The following PIK3CA variants were observed in gnomAD, a reference collection of about 807,000 sequenced individuals.
PIK3CA encodes the protein phosphatidylinositol 4,5-bisphosphate 3-kinase catalytic subunit alpha isoform.
A neutral mutation model predicts 138.2 loss-of-function variants in PIK3CA; 27 were observed. The ratio of observed to expected loss-of-function variants is 0.20; its 90% CI spans 0.14 to 0.27. PIK3CA has a LOEUF of 0.27. Ranked by LOEUF, PIK3CA falls within the 10% of genes least tolerant of loss-of-function variation. The pLI is 1.00. For synonymous variants in PIK3CA, 358 were observed against 413.2 expected (o/e 0.87, Z 1.62); for missense variants, 544 against 1,277.4 (o/e 0.43, Z 8.75).
rs527395640 is a variant in PIK3CA at position 179,195,269 on chromosome 3, AAAC to A, written c.-76-3472_-76-3470del. Among the ~76,000 whole-genome samples the A allele has an allele frequency of 3.2e-3, 490 of 151,982 alleles. 2 individuals carry two copies. Among genetic ancestry groups the A allele is most frequent in the African/African-American group, 0.011 (460 of 41,474 alleles). On this transcript the variant is annotated intron_variant, in intron 1 of 20. Transcript: ENST00000263967. ...TACTTGCCTTCTCGGTGAAAAAAAA[AAAC>A]AACAACAAAAACCGTTTCCTTCCCC...
intron 1 of PIK3CA, among the ~76,000 whole-genome samples, chr3:179,180,059 TG>T (rs1329668539): frequency 1.3e-5 from 2 of 152,132 alleles, no homozygotes; most frequent in Non-Finnish European, 2.9e-5. Context: ...ACAGTTGTAA[TG>T]TTTGAGGCTT....
intron 1 of PIK3CA, among the ~76,000 whole-genome samples, chr3:179,186,477 G>C (rs1474229551): frequency 1.2e-4 from 18 of 152,142 alleles, no homozygotes; most frequent in Admixed American, 1.2e-3. Flanking sequence ...TTTTAACATT[G>C]ACTTTAAGTT....
chr3:179,191,049 G>T (rs751990116), intron 1 of PIK3CA, among the ~76,000 whole-genome samples: 1 of 152,198 alleles, frequency 6.6e-6, no homozygotes, highest in Non-Finnish European at 1.5e-5. Context: ...AGGAGTTAAT[G>T]TAAATTCCAG....
intron 1 of PIK3CA, among the ~76,000 whole-genome samples, chr3:179,167,102 A>G (rs1322793162): frequency 6.6e-6 from 1 of 152,154 alleles, no homozygotes; most frequent in Non-Finnish European, 1.5e-5. Flanking sequence ...ATTTCCAAAA[A>G]GAGTTCTTCA....
chr3:179,160,606 GATA>G (rs1723252090), intron 1 of PIK3CA, among the ~76,000 whole-genome samples: 1 of 152,088 alleles, frequency 6.6e-6, no homozygotes, highest in Non-Finnish European at 1.5e-5. Context: ...TATTCTCTTT[GATA>G]TACACACGTG....
intron 1 of PIK3CA, among the ~76,000 whole-genome samples, chr3:179,149,214 A>G (rs1337334990): frequency 2.0e-5 from 3 of 152,112 alleles, no homozygotes; most frequent in South Asian, 2.1e-4. Context: ...AGCTGAGACA[A>G]ACGCTTAGAT....
chr3:179,164,140 A>C (rs986264466), intron 1 of PIK3CA, among the ~76,000 whole-genome samples: 1 of 152,196 alleles, frequency 6.6e-6, no homozygotes, highest in Non-Finnish European at 1.5e-5. Context: ...TATGTATACT[A>C]TATGAGTACA....
chr3:179,181,082 A>G (rs1005662734), intron 1 of PIK3CA, among the ~76,000 whole-genome samples: 1 of 152,102 alleles, frequency 6.6e-6, no homozygotes, highest in African/African-American at 2.4e-5. Flanking sequence ...CAGAAGAACA[A>G]AAGAGCAGTA....
Position 179,227,050 on chromosome 3 carries a change from G to A in PIK3CA, c.2495+1010G>A, listed in dbSNP as rs1725099133. On this transcript the variant is annotated intron_variant, in intron 17 of 20. Transcript: ENST00000263967. ...AAGAAAGAGTAAAGGAGATAACCGT[G>A]TAACGCTGGTTAATTACATTGTTTA... 3.3e-5 allele frequency among the ~76,000 whole-genome samples: 5 copies of A among 152,076 alleles called. No individual in the cohort carries two copies. The South Asian group carries it at 8.3e-4, about 25-fold the overall frequency.
intron 14 of PIK3CA, among the ~76,000 whole-genome samples, chr3:179,223,469 T>G (rs1725013518): frequency 6.6e-6 from 1 of 152,180 alleles, no homozygotes; most frequent in Non-Finnish European, 1.5e-5. Context: ...GTAACAAATG[T>G]TTTTACAAGT....
chr3:179,151,650 A>T (rs1291498504), intron 1 of PIK3CA, among the ~76,000 whole-genome samples: 6 of 152,068 alleles, frequency 3.9e-5, no homozygotes, highest in African/African-American at 1.4e-4. Context: ...GCTGTCAAGG[A>T]CCTGTATATT....
At chr3:179,232,911 G>A (rs747489520) in intron 20 of PIK3CA, among the ~76,000 whole-genome samples, 15 of 151,962 alleles carry the variant, frequency 9.9e-5, no homozygotes, top group East Asian at 7.7e-4. Context: ...AGGCTAGAGC[G>A]TAGTGGTGCG....
At chr3:179,153,361 A>G (rs996869665) in intron 1 of PIK3CA, among the ~76,000 whole-genome samples, 2 of 152,170 alleles carry the variant, frequency 1.3e-5, no homozygotes, top group Non-Finnish European at 2.9e-5. Flanking sequence ...GACATCCCTA[A>G]TCTGAAAATT....
chr3:179,171,536 AAT>A (rs1340736973), intron 1 of PIK3CA, among the ~76,000 whole-genome samples: 4 of 152,126 alleles, frequency 2.6e-5, no homozygotes, highest in Admixed American at 1.3e-4. Flanking sequence ...GTAAATTAGA[AAT>A]ACTGAGAATG....
chr3:179,153,016 CAA>C (rs2108348462), intron 1 of PIK3CA, among the ~76,000 whole-genome samples: 1 of 152,060 alleles, frequency 6.6e-6, no homozygotes, highest in Admixed American at 6.5e-5. Flanking sequence ...AAAAAGGAAA[CAA>C]AATTAAGGAT....
intron 1 of PIK3CA, among the ~76,000 whole-genome samples, chr3:179,181,929 A>G (rs990831418): frequency 2.6e-5 from 4 of 152,184 alleles, no homozygotes; most frequent in African/African-American, 9.6e-5. Context: ...TCCATCACAT[A>G]TTTATCTCTG....
chr3:179,201,754 C>T (rs777898134), intron 4 of PIK3CA, among the ~76,000 whole-genome samples: 2 of 151,642 alleles, frequency 1.3e-5, no homozygotes, highest in African/African-American at 4.8e-5. Flanking sequence ...TACAGGCGCC[C>T]GCCACCACAC....
chr3:179,175,345 A>C (rs1723669803), intron 1 of PIK3CA, among the ~76,000 whole-genome samples: 1 of 152,144 alleles, frequency 6.6e-6, no homozygotes, highest in South Asian at 2.1e-4. Flanking sequence ...ATTTTGCTAG[A>C]GTTCTAAGTG....
intron 16 of PIK3CA, 123 bp downstream of exon 16, chr3:179,224,944 TG>T: frequency 3.5e-6 from 2 of 569,518 alleles, no homozygotes; most frequent in Non-Finnish European, 6.0e-6. Context: ...TGATAAAATA[TG>T]TAATATTTAT....
Sources: gnomAD v4.1 joint callset for allele counts (sites outside exome capture counted in the v4.1 genomes callset) on GRCh38, gnomAD v4.1.1 for gene constraint, MANE v1.5 for transcripts, NCBI Gene and HGNC (gene_info 2026-07-23, HGNC 2026-07-21) for gene names.